The following NUMA1 variants were observed in gnomAD, a reference collection of about 807,000 sequenced individuals.
NUMA1 encodes the protein SP-H antigen.
In NUMA1, 62 loss-of-function variants were observed where a neutral mutation model predicts 237.1. The ratio of observed to expected loss-of-function variants is 0.26; its 90% CI spans 0.21 to 0.32. NUMA1 has a LOEUF of 0.32. Ranked by LOEUF, NUMA1 falls within the 10% of genes least tolerant of loss-of-function variation. NUMA1 has a pLI of 1.00. For synonymous variants in NUMA1, 1,028 were observed against 1,066.1 expected, an observed-to-expected ratio of 0.96 and a Z score of 0.70; for missense variants, 2,533 against 2,666.5, an observed-to-expected ratio of 0.95 and a Z score of 1.10.
chr11:72,061,074 T>A (rs1942912894), intron 2 of NUMA1, among the ~76,000 whole-genome samples: 1 of 151,922 alleles, frequency 6.6e-6, no homozygotes, highest in Non-Finnish European at 1.5e-5. Flanking sequence ...TAAAAAAATT[T>A]AAAAAATTAA....
chr11:72,010,448 A>G (rs1315540715), intron 17 of NUMA1, among the ~76,000 whole-genome samples: 3 of 152,232 alleles, frequency 2.0e-5, no homozygotes, highest in Non-Finnish European at 2.9e-5. Flanking sequence ...GCGCTGTCCA[A>G]TACAGCAGCC....
At chr11:72,033,923 A>T (rs2135655997) in intron 3 of NUMA1, among the ~76,000 whole-genome samples, 1 of 152,276 alleles carries the variant, frequency 6.6e-6, no homozygotes, top group African/African-American at 2.4e-5. Flanking sequence ...GTTTGAGACC[A>T]GCCTGGGCAA....
In NUMA1 at chr11:72,010,865, A is replaced by C. The variant is rs1437074488; in HGVS notation, c.4651-11T>G. On this transcript the variant is annotated splice_polypyrimidine_tract_variant and intron_variant, in intron 16 of 26. Coordinates refer to ENST00000393695, the MANE Select transcript of NUMA1 (RefSeq NM_006185.4). ...ACTCAGTTCTTCCACCTGGGGAGGGAAGAGGAGGACAGAAGACTCAGGAGG... is the reference window on the plus strand; with the variant it reads ...ACTCAGTTCTTCCACCTGGGGAGGGCAGAGGAGGACAGAAGACTCAGGAGG... 1.2e-6 allele frequency: 2 copies of C among 1,613,342 alleles called. No individual in the cohort carries two copies. Among genetic ancestry groups the C allele is most frequent in the Admixed American group, 3.3e-5 (2 of 59,978 alleles).
chr11:72,004,323 A>C lies in NUMA1; in HGVS notation c.6025T>G (p.Cys2009Gly). 6.2e-7 allele frequency: 1 copy of C among 1,613,218 alleles called. No individual in the cohort carries two copies. Among genetic ancestry groups the C allele is most frequent in the Non-Finnish European group, 8.5e-7 (1 of 1,179,800 alleles). Residue 2009 changes from cysteine (C) to glycine (G), a missense_variant, in exon 25 of 27, where the codon TGT (cysteine) becomes GGT (glycine). This residue lies in a region of NUMA1 where 795 missense variants were observed against 750.8 expected (regional missense o/e 1.06). Coordinates refer to ENST00000393695, the MANE Select transcript of NUMA1 (RefSeq NM_006185.4). ...CGGGGAGTCATGGGGCGTGGGAAAC[A>C]GCTGGTGGCCTTCTTAGACTATGGA... is the stretch of plus-strand genomic sequence containing the variant. ...GTPESKKATS[C>G]FPRPMTPRDR...
intron 2 of NUMA1, among the ~76,000 whole-genome samples, chr11:72,060,811 C>T (rs1942898858): frequency 1.3e-5 from 2 of 152,228 alleles, no homozygotes; most frequent in South Asian, 2.1e-4. Context: ...TAGCCCACAC[C>T]TGTAATCCCA....
chr11:72,014,738 A>C lies in NUMA1; in HGVS notation c.2765T>G (p.Leu922Trp). ...TSKEVARLET[L>W]VRKAGEQQET... is the part of the protein sequence containing the mutation. ...CTGCTGCTCACCTGCCTTGCGCACC[A>C]AGGTCTCCAAGCGGGCCACCTCTTT... The change falls in exon 15 of 27, where the codon TTG becomes TGG. Residue 922 changes from leucine (L) to tryptophan (W), a missense_variant. This residue lies in a region of NUMA1 where 1,414 missense variants were observed against 1,508.1 expected (regional missense o/e 0.94). Coordinates refer to ENST00000393695, the MANE Select transcript of NUMA1 (RefSeq NM_006185.4). The surrounding 1 kb of genome is among the most constrained non-coding windows in gnomAD (Gnocchi z 4.6). The C allele has an allele frequency of 1.2e-6, 2 of 1,614,054 alleles. No homozygotes were observed. The highest frequency in any genetic ancestry group is 1.7e-6 in the Non-Finnish European group (2 of 1,180,026).
At position 72,007,299 on chromosome 11, in the gene NUMA1, G is replaced by A; in HGVS notation, c.5353C>T (p.Pro1785Ser). The A allele has an allele frequency of 6.2e-7, 1 of 1,613,374 alleles. No individual in the cohort carries two copies. The highest frequency in any genetic ancestry group is 2.2e-5 in the East Asian group (1 of 44,856). Residue 1785 changes from proline (P) to serine (S), a missense_variant, in exon 21 of 27, where the codon CCC becomes TCC. Pro to Ser is a moderately conservative substitution (Grantham distance 74). Around this residue, in one of 3 missense-constraint regions of NUMA1, gnomAD observed 795 missense variants for 750.8 expected, o/e 1.06. Transcript: ENST00000393695. ...AGGGAGTCCAGGCTGCTCTCCAGGG[G>A]GGCCTGACTCCGAGCAGGGATGGGA... ...FTPIPARSQAPLESSLDSLGD... is the reference protein window; with the variant it reads ...FTPIPARSQASLESSLDSLGD...
At chr11:72,036,025 G>A in intron 2 of NUMA1, 50 bp from the exon 3 acceptor site, 1 of 1,416,622 alleles carries the variant, frequency 7.1e-7, no homozygotes. Flanking sequence ...AGATATCCAT[G>A]ATCAAGAAAT....
intron 2 of NUMA1, among the ~76,000 whole-genome samples, chr11:72,038,796 AC>A (rs1371225629): frequency 1.3e-5 from 2 of 150,690 alleles, no homozygotes; most frequent in Non-Finnish European, 1.5e-5. Flanking sequence ...CCCCCCCACA[AC>A]CCTCACTCAA....
intron 3 of NUMA1, among the ~76,000 whole-genome samples, chr11:72,030,313 G>C (rs188002705): frequency 6.7e-6 from 1 of 148,556 alleles, no homozygotes; most frequent in African/African-American, 2.5e-5. Context: ...TCTAGCCTGA[G>C]TGACAGAGCA....
chr11:72,052,713 G>A (rs190774906), intron 2 of NUMA1, among the ~76,000 whole-genome samples: 45 of 151,976 alleles, frequency 3.0e-4, no homozygotes, highest in African/African-American at 9.7e-4. Flanking sequence ...GCAGTGAGCC[G>A]AGATCATGCC....
Position 72,014,744 on chromosome 11 carries a change from T to A in NUMA1, c.2759A>T (p.Glu920Val), listed in dbSNP as rs1489868144. The A allele has an allele frequency of 6.2e-7, 1 of 1,613,998 alleles. No homozygotes were observed. Among genetic ancestry groups the A allele is most frequent in the Non-Finnish European group, 8.5e-7 (1 of 1,180,054 alleles). Residue 920 changes from glutamate (E) to valine (V), a missense_variant, in exon 15 of 27, where the codon GAG becomes GTG. Physicochemically the swap from Glu to Val is moderately radical, Grantham distance 121 (BLOSUM62 -2). Around this residue, in one of 3 missense-constraint regions of NUMA1, gnomAD observed 1,414 missense variants for 1,508.1 expected, o/e 0.94. Coordinates refer to ENST00000393695, the MANE Select transcript of NUMA1 (RefSeq NM_006185.4). The surrounding 1 kb of genome is among the most constrained non-coding windows in gnomAD (Gnocchi z 4.6). ...AATSKEVARLETLVRKAGEQQ... is the reference protein window; with the variant it reads ...AATSKEVARLVTLVRKAGEQQ... Reference sequence around the variant, plus strand: ...CTCACCTGCCTTGCGCACCAAGGTCTCCAAGCGGGCCACCTCTTTGCTGGT... The same window carrying A: ...CTCACCTGCCTTGCGCACCAAGGTCACCAAGCGGGCCACCTCTTTGCTGGT...
intron 3 of NUMA1, among the ~76,000 whole-genome samples, chr11:72,032,153 C>T (rs1940423378): frequency 6.6e-6 from 1 of 151,654 alleles, no homozygotes; most frequent in African/African-American, 2.4e-5. Flanking sequence ...AGAGCAAGAC[C>T]CTATCTCAAA....
chr11:72,027,576 G>C (rs74996732), intron 4 of NUMA1, among the ~76,000 whole-genome samples: 10 of 151,942 alleles, frequency 6.6e-5, no homozygotes, highest in Non-Finnish European at 1.3e-4. Flanking sequence ...AGGTGGTGTC[G>C]AGTGGGGAGA....
In NUMA1 at chr11:72,036,959, G is replaced by T. The variant is rs150117955; in HGVS notation, c.-32-984C>A. Among the ~76,000 whole-genome samples, 485 of 152,304 alleles carry T rather than the reference G, an allele frequency of 3.2e-3. 7 individuals carry two copies. The highest frequency in any genetic ancestry group is 0.024 in the East Asian group (125 of 5,188). On this transcript the variant is annotated intron_variant, in intron 2 of 26. Transcript: ENST00000393695. ...AATTACTCTAGAAGGAGGAACAAGA[G>T]TGGTAAGAGCCACATCACTTGTAAG...
intron 7 of NUMA1, 101 bp from the exon 8 acceptor site, chr11:72,021,392 A>G (rs1421064424): frequency 2.0e-6 from 2 of 1,009,986 alleles, no homozygotes; most frequent in South Asian, 1.3e-5. Flanking sequence ...CGGCTCCCTC[A>G]TGCCCTAGGA....
chr11:72,065,648 G>A (rs942476123), intron 2 of NUMA1: 2 of 152,154 alleles, frequency 1.3e-5, no homozygotes, highest in African/African-American at 4.8e-5. Context: ...ATCCTAGAAT[G>A]AATATATACT....
chr11:72,018,732 C>G, intron 10 of NUMA1, 91 bp downstream of exon 10: 1 of 1,469,014 alleles, frequency 6.8e-7, no homozygotes, highest in Admixed American at 2.0e-5. Context: ...GCTCTCAGCT[C>G]CAGGGGCCAG....
chr11:72,063,967 T>C (rs1266238770), intron 2 of NUMA1, among the ~76,000 whole-genome samples: 1 of 138,560 alleles, frequency 7.2e-6, no homozygotes, highest in African/African-American at 2.7e-5. Flanking sequence ...AAAAAAAAAA[T>C]CTCATGTTCT....
Sources: allele counts gnomAD v4.1 joint callset (sites outside exome capture counted in the v4.1 genomes callset), GRCh38; gene constraint gnomAD v4.1.1; regional missense constraint gnomAD v4.1.1; non-coding constraint Gnocchi (gnomAD v3.1); transcripts MANE v1.5; gene names NCBI Gene and HGNC (gene_info 2026-07-23, HGNC 2026-07-21).